Variants in MAPK10 observed in about 807,000 individuals in gnomAD.
MAPK10 encodes mitogen-activated protein kinase 10.
A neutral mutation model predicts 59.3 loss-of-function variants in MAPK10; 25 were observed. That is an observed-to-expected ratio of 0.42 (90% CI 0.31 to 0.59). The LOEUF (loss-of-function observed/expected upper bound fraction) is 0.59. Among genes scored for constraint, MAPK10 ranks in the 20% least tolerant of loss-of-function variants. The probability of loss-of-function intolerance (pLI) is 0.15; values close to 1 mark genes in which losing one functional copy is unlikely to be tolerated. For missense variants in MAPK10, 351 were observed against 568.9 expected (o/e 0.62, Z 3.90); for synonymous variants, 190 against 200.5 (o/e 0.95, Z 0.44).
intron 3 of MAPK10, among the ~76,000 whole-genome samples, chr4:86,180,248 T>G (rs567377215): frequency 3.3e-5 from 5 of 152,026 alleles, no homozygotes; most frequent in African/African-American, 1.2e-4. Context: ...ACATCACTAA[T>G]CATCAGAAAA....
intron 3 of MAPK10, among the ~76,000 whole-genome samples, chr4:86,186,706 T>C (rs2149296956): frequency 6.6e-6 from 1 of 152,220 alleles, no homozygotes; most frequent in East Asian, 1.9e-4. Context: ...ATGAATAAGG[T>C]AACATACAAT....
At chr4:86,382,306 A>AC (rs1217942476) in intron 1 of MAPK10, among the ~76,000 whole-genome samples, 3 of 151,666 alleles carry the variant, frequency 2.0e-5, no homozygotes, top group African/African-American at 7.3e-5. Context: ...CCTGGCACTG[A>AC]CCCCCCACTC....
At chr4:86,537,952 T>A (rs764600813) in intron 1 of MAPK10, among the ~76,000 whole-genome samples, 5 of 152,194 alleles carry the variant, frequency 3.3e-5, no homozygotes, top group Non-Finnish European at 7.3e-5. Flanking sequence ...CAAAGTTTTA[T>A]CTTTCACAGT....
chr4:86,196,338 T>A (rs779321125), intron 2 of MAPK10, among the ~76,000 whole-genome samples: 3 of 152,224 alleles, frequency 2.0e-5, no homozygotes, highest in Non-Finnish European at 4.4e-5. Flanking sequence ...TTTTTTCATG[T>A]TTGTTGGCTG....
At chr4:86,100,934 A>C in intron 8 of MAPK10, 118 bp downstream of exon 8, 1 of 814,428 alleles carries the variant, frequency 1.2e-6, no homozygotes, top group Admixed American at 2.5e-5. Flanking sequence ...TGAATATGCT[A>C]TCTGGCAGCC....
At chr4:86,111,053 T>G (rs1421591754) in intron 4 of MAPK10, among the ~76,000 whole-genome samples, 4 of 152,194 alleles carry the variant, frequency 2.6e-5, no homozygotes, top group Non-Finnish European at 5.9e-5. Context: ...TAGAAATGCA[T>G]GTGACTTTTT....
chr4:86,074,903 T>C (rs899264672), intron 9 of MAPK10, among the ~76,000 whole-genome samples: 1 of 132,900 alleles, frequency 7.5e-6, no homozygotes, highest in African/African-American at 3.1e-5. Flanking sequence ...AGTATCTTTG[T>C]GGCGTTCTCT....
intron 11 of MAPK10, chr4:86,032,349 A>G (rs1032140792): frequency 1.3e-5 from 2 of 152,162 alleles, no homozygotes; most frequent in South Asian, 4.1e-4. Context: ...GGAAAGAAAA[A>G]AAAAAGGCTC....
intron 1 of MAPK10, among the ~76,000 whole-genome samples, chr4:86,462,633 T>A (rs1751848071): frequency 6.6e-6 from 1 of 152,164 alleles, no homozygotes; most frequent in African/African-American, 2.4e-5. Context: ...GCCCTTGAAG[T>A]ATATCAAAGT....
chr4:86,254,942 A>G (rs1443346022), intron 2 of MAPK10, among the ~76,000 whole-genome samples: 1 of 152,194 alleles, frequency 6.6e-6, no homozygotes, highest in East Asian at 1.9e-4. Flanking sequence ...ACAGAAGATA[A>G]GCTAACATCC....
chr4:86,018,030 ATTTT>A (rs1578568806), intron 13 of MAPK10, among the ~76,000 whole-genome samples: 1 of 152,288 alleles, frequency 6.6e-6, no homozygotes. Context: ...GGGCATTTGC[ATTTT>A]TTAAAAGCTC....
intron 4 of MAPK10, among the ~76,000 whole-genome samples, chr4:86,138,854 C>T (rs2062878902): frequency 6.6e-6 from 1 of 151,986 alleles, no homozygotes. Context: ...GATACAAAAC[C>T]AATGTGCAAA....
rs2060226639 is a variant in MAPK10 at position 86,127,264 on chromosome 4, A to C, written c.237-19912T>G. Among the ~76,000 whole-genome samples, 4 of 151,472 alleles carry C rather than the reference A, an allele frequency of 2.6e-5. No individual in the cohort carries two copies. In the South Asian group the frequency reaches 8.4e-4, roughly 32 times the overall value. On this transcript the variant is annotated intron_variant, in intron 4 of 13. Coordinates refer to ENST00000641462, the MANE Select transcript of MAPK10 (RefSeq NM_138982.4). ...TGTAAGCCCCATAAGGGCAGGGACC[A>C]TATCTGTATTGCTCACTTTTGCATT...
intron 13 of MAPK10, among the ~76,000 whole-genome samples, chr4:86,021,469 G>A (rs541730363): frequency 2.0e-4 from 30 of 152,366 alleles, no homozygotes; most frequent in South Asian, 2.1e-4. Flanking sequence ...GTGCTGACTG[G>A]TGTATTTACA....
At chr4:86,183,287 C>T (rs1207296375) in intron 3 of MAPK10, among the ~76,000 whole-genome samples, 1 of 142,110 alleles carries the variant, frequency 7.0e-6, no homozygotes, top group Admixed American at 7.1e-5. Context: ...TATCCCTCCC[C>T]CCTCCCCCTA....
rs1003766996 is a variant in MAPK10 at position 86,412,306 on chromosome 4, T to G, written c.-122+40724A>C. Among the ~76,000 whole-genome samples, 13 of 152,310 alleles carry G rather than the reference T, an allele frequency of 8.5e-5. No homozygotes were observed. In the East Asian group the frequency reaches 2.5e-3, roughly 29 times the overall value. ...ATGGACTTCCCTTTGTGGGTAACCC[T>G]ACTTTTCTCTCTGGCTGCCCTTTAC... On this transcript the variant is annotated intron_variant, in intron 1 of 13. Coordinates refer to the MAPK10 transcript ENST00000361569.
chr4:86,530,838 A>T (rs1757797763), intron 1 of MAPK10, among the ~76,000 whole-genome samples: 1 of 152,194 alleles, frequency 6.6e-6, no homozygotes, highest in Admixed American at 6.5e-5. Flanking sequence ...ACCAAGAGAA[A>T]ATGCATCTTT....
chr4:86,491,685 T>C (rs981402901), intron 1 of MAPK10, among the ~76,000 whole-genome samples: 1 of 152,252 alleles, frequency 6.6e-6, no homozygotes, highest in Non-Finnish European at 1.5e-5. Context: ...TCCATTTTTA[T>C]TTCCCAGTAG....
At chr4:86,442,380 T>C (rs548715172) in intron 1 of MAPK10, among the ~76,000 whole-genome samples, 1 of 152,352 alleles carries the variant, frequency 6.6e-6, no homozygotes, top group South Asian at 2.1e-4. Flanking sequence ...ATTGTCCCTA[T>C]GTGAAAGCAA....
Sources: gnomAD v4.1 joint callset for allele counts (sites outside exome capture counted in the v4.1 genomes callset) on GRCh38, gnomAD v4.1.1 for gene constraint, MANE v1.5 for transcripts, NCBI Gene and HGNC (gene_info 2026-07-23, HGNC 2026-07-21) for gene names.